The following TMED7 variants were observed in gnomAD, a reference collection of about 807,000 sequenced individuals.
The protein encoded by TMED7 is transmembrane emp24 domain-containing protein 7.
In TMED7, 8 loss-of-function variants were observed where a neutral mutation model predicts 23.4. The observed-to-expected ratio is 0.34, with a 90% CI of 0.20 to 0.62. The LOEUF (loss-of-function observed/expected upper bound fraction) is 0.62, where lower values mean the gene tolerates loss of function less well. Among genes scored for constraint, TMED7 ranks in the 20% least tolerant of loss-of-function variants. The pLI is 0.77. For synonymous variants in TMED7, 121 were observed against 108.5 expected (o/e 1.12, Z -0.72); for missense variants, 232 against 279.1 (o/e 0.83, Z 1.20).
chr5:115,624,912 ATC>A (rs1395183002), intron 1 of TMED7, among the ~76,000 whole-genome samples: 1 of 152,220 alleles, frequency 6.6e-6, no homozygotes, highest in Non-Finnish European at 1.5e-5. Flanking sequence ...CAGTGACCCT[ATC>A]TGTTTCGACC....
At chr5:115,616,892 G>A (rs1756781654) in intron 2 of TMED7, among the ~76,000 whole-genome samples, 1 of 152,140 alleles carries the variant, frequency 6.6e-6, no homozygotes, top group Non-Finnish European at 1.5e-5. Context: ...ACAAAAAAAA[G>A]CTGAATTAGT....
rs774120249 is a variant in TMED7, at chr5:115,625,712, C to T, written c.81G>A (p.Leu27=). The change falls in exon 1 of 3, where the codon CTG becomes CTA. Residue 27 remains leucine, a synonymous_variant. Transcript: ENST00000456936. Reference sequence around the variant, plus strand: ...CAGAGGCGCCGCCGGGTCCAGGCACCAGTAGCAGCAGTGCGAGCAGCCTGC... The same window carrying T: ...CAGAGGCGCCGCCGGGTCCAGGCACTAGTAGCAGCAGTGCGAGCAGCCTGC... The part of the protein sequence containing the change: ...WGCRLLALLL[L]VPGPGGASEI... 22 of 1,600,032 alleles carry T rather than the reference C, an allele frequency of 1.4e-5. 2 individuals are homozygous for T. Among genetic ancestry groups the T allele is most frequent in the South Asian group, 4.5e-5 (4 of 88,966 alleles).
At chr5:115,622,684 C>A (rs1351495056) in intron 1 of TMED7, among the ~76,000 whole-genome samples, 2 of 152,138 alleles carry the variant, frequency 1.3e-5, no homozygotes, top group African/African-American at 4.8e-5. Context: ...CCTCATTCCC[C>A]ATTGAGCAAT....
chr5:115,619,866 G>A (rs1756960330), intron 2 of TMED7, among the ~76,000 whole-genome samples: 1 of 152,074 alleles, frequency 6.6e-6, no homozygotes, highest in South Asian at 2.1e-4. Context: ...AATTTTTTAC[G>A]CTTTCTCTAT....
Position 115,625,757 on chromosome 5 carries a change from G to C in TMED7, c.36C>G (p.Ala12=). 6.5e-7 allele frequency: 1 copy of C among 1,535,976 alleles called. No individual in the cohort carries two copies. Among genetic ancestry groups the C allele is most frequent in the South Asian group, 1.2e-5 (1 of 82,470 alleles). ...PRPGSAQRWA[A]VAGRWGCRLL... ...GCCTGCACCCCCAACGGCCCGCGAC[G>C]GCCGCCCAGCGCTGCGCGGACCCCG... The change falls in exon 1 of 3, where the codon GCC becomes GCG. Residue 12 remains alanine (A), a synonymous_variant. Transcript: ENST00000456936.
intron 2 of TMED7, among the ~76,000 whole-genome samples, chr5:115,618,528 C>A (rs899031418): frequency 6.6e-6 from 1 of 152,182 alleles, no homozygotes; most frequent in East Asian, 1.9e-4. Flanking sequence ...CAACCCCTAT[C>A]CTGTGGCATT....
chr5:115,625,607 C>A lies in TMED7; in HGVS notation c.186G>T (p.Glu62Asp). The change falls in exon 1 of 3, where the codon GAG becomes GAT. Residue 62 changes from glutamate (E) to aspartate (D), a missense_variant. Coordinates refer to ENST00000456936, the MANE Select transcript of TMED7 (RefSeq NM_181836.6). ...ACTGCTAGGCCCCTGATACCTGGAA[C>A]TCCAGGGTGCACTTGGTGCCCTGAG... is the stretch of plus-strand genomic sequence containing the variant. ...DIAQGTKCTL[E>D]FQVITGGHYD... 6.3e-7 allele frequency: 1 copy of A among 1,584,250 alleles called. No homozygotes were observed. The highest frequency in any genetic ancestry group is 8.6e-7 in the Non-Finnish European group (1 of 1,165,476).
intron 2 of TMED7, among the ~76,000 whole-genome samples, chr5:115,619,486 C>T (rs573877294): frequency 3.9e-4 from 59 of 152,204 alleles, no homozygotes; most frequent in African/African-American, 1.3e-3. Flanking sequence ...CTTTTAGATA[C>T]GATCTAAGCC....
intron 2 of TMED7, among the ~76,000 whole-genome samples, chr5:115,617,504 G>A (rs1756820425): frequency 6.6e-6 from 1 of 151,510 alleles, no homozygotes; most frequent in African/African-American, 2.4e-5. Flanking sequence ...TGTTGTCCTT[G>A]CTTTGTTCAG....
In TMED7 at chr5:115,613,329, T is replaced by C. The variant is rs536229221; in HGVS notation, c.*2880A>G. ...AGGAATGCAAAGAGAAGGTTACAAA[T>C]TAGGCAGTACAGACGTGGTATTTCT... On this transcript the variant is annotated 3_prime_UTR_variant, in exon 3 of 3. Coordinates refer to ENST00000456936, the MANE Select transcript of TMED7 (RefSeq NM_181836.6). Among the ~76,000 whole-genome samples, 1 of 152,338 alleles carries C rather than the reference T, an allele frequency of 6.6e-6. No homozygotes were observed. Among genetic ancestry groups the C allele is most frequent in the African/African-American group, 2.4e-5 (1 of 41,580 alleles).
At chr5:115,623,037 GGTCAGA>G (rs1757089491) in intron 1 of TMED7, among the ~76,000 whole-genome samples, 1 of 152,160 alleles carries the variant, frequency 6.6e-6, no homozygotes, top group South Asian at 2.1e-4. Flanking sequence ...AGCTCTCTGA[GGTCAGA>G]GTCAGTCTCT....
intron 1 of TMED7, among the ~76,000 whole-genome samples, chr5:115,622,518 A>C (rs998487118): frequency 2.6e-5 from 4 of 152,100 alleles, no homozygotes; most frequent in African/African-American, 9.7e-5. Flanking sequence ...TTTTGAACTG[A>C]ATAATTCTGT....
At position 115,614,941 on chromosome 5, in the gene TMED7, AG is replaced by A. The variant is rs1377613774; in HGVS notation, c.*1267del. On this transcript the variant is annotated 3_prime_UTR_variant, in exon 3 of 3. Transcript: ENST00000456936. ...AGTTGCAATTAAAAAAAAAAAAAAC[AG>A]CAGAAAAGCTTTAAATATCTATATA... The A allele has an allele frequency of 1.3e-5, 2 of 151,658 alleles. No individual in the cohort carries two copies. Among genetic ancestry groups the A allele is most frequent in the Non-Finnish European group, 2.9e-5 (2 of 67,864 alleles). 9.4% of individuals were successfully genotyped at this position (151,658 alleles called of 1,614,324 possible).
At chr5:115,617,387 A>G (rs1341427762) in intron 2 of TMED7, among the ~76,000 whole-genome samples, 1 of 152,232 alleles carries the variant, frequency 6.6e-6, no homozygotes, top group Admixed American at 6.5e-5. Flanking sequence ...CAAAGTAAGT[A>G]TGAAAGGAAT....
intron 1 of TMED7, 91 bp downstream of exon 1, chr5:115,625,510 G>A (rs935118162): frequency 3.0e-6 from 4 of 1,343,806 alleles, no homozygotes; most frequent in Non-Finnish European, 1.9e-6. Flanking sequence ...TAAGAACGGG[G>A]AAACACGGAC....
In TMED7 at chr5:115,620,422, T is replaced by G. The variant is rs754799943; in HGVS notation, c.438+13A>C. 7.4e-6 allele frequency: 11 copies of G among 1,480,092 alleles called. No individual in the cohort carries two copies. The highest frequency in any genetic ancestry group is 9.8e-6 in the Non-Finnish European group (11 of 1,117,042). The allele number at this position is 1,480,092 out of a possible 1,614,324, so 91.7% of individuals were successfully genotyped here. On this transcript the variant is annotated intron_variant, in intron 2 of 2. Transcript: ENST00000456936. ...AAATATACCAACATTATATTGCTGA[T>G]TTTTTTATTTACCTGGGTAAGAGCA...
At chr5:115,616,715 G>A (rs1393081715) in intron 2 of TMED7, among the ~76,000 whole-genome samples, 1 of 152,152 alleles carries the variant, frequency 6.6e-6, no homozygotes, top group Non-Finnish European at 1.5e-5. Flanking sequence ...GGGGGCAGAT[G>A]GAACACTAAG....
At position 115,613,966 on chromosome 5, in the gene TMED7, A is replaced by G. The variant is rs1379048977; in HGVS notation, c.*2243T>C. The G allele has an allele frequency of 1.3e-5, 2 of 152,588 alleles. No homozygotes were observed. Among genetic ancestry groups the G allele is most frequent in the Non-Finnish European group, 2.9e-5 (2 of 67,980 alleles). 9.5% of individuals were successfully genotyped at this position (152,588 alleles called of 1,614,324 possible). A position where few individuals can be genotyped will look rare whatever the true frequency, so the allele number is the denominator to read the frequency against. ...AAAATATATACAACTATGATGTTCA[A>G]ATATGTATTCTGAGCCATTATGTTC... On this transcript the variant is annotated 3_prime_UTR_variant, in exon 3 of 3. Transcript: ENST00000456936.
chr5:115,625,842 G>A lies in TMED7; in HGVS notation c.-50C>T, dbSNP rs2112581848. 7.4e-7 allele frequency: 1 copy of A among 1,356,606 alleles called. No homozygotes were observed. The highest frequency in any genetic ancestry group is 3.1e-5 in the East Asian group (1 of 32,552). The allele number at this position is 1,356,606 out of a possible 1,614,324, so 84.0% of individuals were successfully genotyped here. On this transcript the variant is annotated 5_prime_UTR_variant, in exon 1 of 3. Coordinates refer to ENST00000456936, the MANE Select transcript of TMED7 (RefSeq NM_181836.6). Reference sequence around the variant, plus strand: ...ACCGAGCTGCGAGACGCAGGGTCAGGTCTGCGCGGACTCACCGCGCGCGGC... The same window carrying A: ...ACCGAGCTGCGAGACGCAGGGTCAGATCTGCGCGGACTCACCGCGCGCGGC...
Sources: gnomAD v4.1 joint callset for allele counts (sites outside exome capture counted in the v4.1 genomes callset) on GRCh38, gnomAD v4.1.1 for gene constraint, MANE v1.5 for transcripts, NCBI Gene and HGNC (gene_info 2026-07-23, HGNC 2026-07-21) for gene names.